KLRB1: variants seen among roughly 807,000 people sequenced by gnomAD.
The protein encoded by KLRB1 is killer cell lectin like receptor B1.
A neutral mutation model predicts 33.5 loss-of-function variants in KLRB1; 27 were observed. The observed-to-expected ratio is 0.81, with a 90% CI of 0.59 to 1.11. The LOEUF is 1.11. Among genes scored for constraint, KLRB1 ranks in the 50% most tolerant of loss-of-function variants. The pLI is 0.00. For synonymous variants in KLRB1, 64 were observed against 88.9 expected (o/e 0.72, Z 1.58); for missense variants, 241 against 254.1 (o/e 0.95, Z 0.35).
In KLRB1 at chr12:9,607,899, G is replaced by A. The variant is rs934283018; in HGVS notation, c.-60C>T. The A allele has an allele frequency of 4.2e-6, 5 of 1,182,684 alleles. No homozygotes were observed. The African/African-American group carries it at 6.0e-5, about 14-fold the overall frequency. The allele number at this position is 1,182,684 out of a possible 1,614,324, so 73.3% of individuals were successfully genotyped here. A position where few individuals can be genotyped will look rare whatever the true frequency, so the allele number is the denominator to read the frequency against. On this transcript the variant is annotated 5_prime_UTR_variant, in exon 1 of 6. Coordinates refer to ENST00000229402, the MANE Select transcript of KLRB1 (RefSeq NM_002258.3). ...TAAGAACAAACTCTCAATTCTGTGA[G>A]GCAAAATCAGCAAAAGGAAGCTTTC...
At chr12:9,607,092 G>T (rs1380182559) in intron 1 of KLRB1, among the ~76,000 whole-genome samples, 1 of 151,982 alleles carries the variant, frequency 6.6e-6, no homozygotes, top group African/African-American at 2.4e-5. Flanking sequence ...GGATGAAAAT[G>T]CACTGGGACT....
chr12:9,601,582 G>T lies in KLRB1; in HGVS notation c.103C>A (p.Pro35Thr). Residue 35 changes from proline to threonine, a missense_variant, in exon 2 of 6, where the codon CCT becomes ACT. By Grantham distance (38) the Pro-to-Thr change is conservative. Coordinates refer to ENST00000229402, the MANE Select transcript of KLRB1 (RefSeq NM_002258.3). ...SLPRDVCQGS[P>T]WHQFALKLSC... is the part of the protein sequence containing the mutation. ...AGTTTCAGGGCAAATTGATGCCAAG[G>T]TGAACCCTGACAGACATCTGAAAAG... 1.2e-6 allele frequency: 2 copies of T among 1,612,088 alleles called. No individual in the cohort carries two copies. The highest frequency in any genetic ancestry group is 1.7e-6 in the Non-Finnish European group (2 of 1,178,320).
At chr12:9,598,468 T>G in intron 4 of KLRB1, 31 bp downstream of exon 4, 1 of 1,580,384 alleles carries the variant, frequency 6.3e-7, no homozygotes, top group Non-Finnish European at 8.6e-7. Flanking sequence ...AAGTGTTAAG[T>G]TTTATTAAGG....
At chr12:9,601,250 A>T (rs1350244573) in intron 2 of KLRB1, among the ~76,000 whole-genome samples, 1 of 151,240 alleles carries the variant, frequency 6.6e-6, no homozygotes, top group Non-Finnish European at 1.5e-5. Context: ...AACACCCACA[A>T]ATGATCAATA....
At chr12:9,598,407 C>T in intron 4 of KLRB1, 92 bp downstream of exon 4, 2 of 1,116,022 alleles carry the variant, frequency 1.8e-6, no homozygotes, top group Non-Finnish European at 1.3e-6. Context: ...TCATCACTTC[C>T]ATTGCATAAA....
At chr12:9,595,750 T>C (rs1215602814) in intron 5 of KLRB1, among the ~76,000 whole-genome samples, 1 of 152,226 alleles carries the variant, frequency 6.6e-6, no homozygotes, top group Admixed American at 6.5e-5. Flanking sequence ...TTCCTAACTT[T>C]ACTGAGCCAC....
At chr12:9,600,834 A>G (rs1216191373) in intron 2 of KLRB1, among the ~76,000 whole-genome samples, 1 of 151,606 alleles carries the variant, frequency 6.6e-6, no homozygotes, top group East Asian at 1.9e-4. Flanking sequence ...AGTCTGAAAT[A>G]TGGCCTCGTG....
intron 3 of KLRB1, among the ~76,000 whole-genome samples, chr12:9,599,182 G>A (rs1043398454): frequency 2.6e-5 from 4 of 152,130 alleles, no homozygotes; most frequent in African/African-American, 9.7e-5. Flanking sequence ...ATTGCTAAAC[G>A]ATGTATTTAC....
chr12:9,601,235 C>G (rs35181877), intron 2 of KLRB1, among the ~76,000 whole-genome samples: 10,768 of 148,052 alleles, frequency 0.073, 485 homozygotes, highest in Non-Finnish European at 0.1. Context: ...ATCCCCCTCT[C>G]GAGAAACACC....
intron 1 of KLRB1, 135 bp downstream of exon 1, chr12:9,607,620 C>G: frequency 1.6e-6 from 1 of 606,684 alleles, no homozygotes; most frequent in South Asian, 2.1e-5. Context: ...TACAGGCAAG[C>G]CATGCAACAC....
In KLRB1 at chr12:9,607,788, G is replaced by T. The variant is rs756839953; in HGVS notation, c.52C>A (p.Pro18Thr). ...AGAGATGAAGGTGAAGAACTTTCTG[G>T]GCCTGAGTCTGTGGGTAAGTTTAAC... ...AELNLPTDSG[P>T]ESSSPSSLPR... The change falls in exon 1 of 6, where the codon CCA becomes ACA. Residue 18 changes from proline (P) to threonine (T), a missense_variant. Transcript: ENST00000229402. 1 of 1,613,652 alleles carries T rather than the reference G, an allele frequency of 6.2e-7. No homozygotes were observed. Among genetic ancestry groups the T allele is most frequent in the South Asian group, 1.1e-5 (1 of 91,064 alleles).
At chr12:9,601,642 G>T (rs199801482) in intron 1 of KLRB1, 43 bp from the exon 2 acceptor site, 1 of 551,874 alleles carries the variant, frequency 1.8e-6, no homozygotes, top group Non-Finnish European at 2.9e-6. Flanking sequence ...ACAAACAAAC[G>T]AAACAAAAAA....
intron 1 of KLRB1, among the ~76,000 whole-genome samples, chr12:9,606,761 T>TATATATATA (rs1491174451): frequency 1.7e-3 from 40 of 23,668 alleles, no homozygotes; most frequent in Non-Finnish European, 2.5e-3. Flanking sequence ...TATATATATA[T>TATATATATA]TTTTTTTTTT....
intron 5 of KLRB1, among the ~76,000 whole-genome samples, chr12:9,597,155 TCTC>T (rs1417571288): frequency 6.6e-6 from 1 of 152,168 alleles, no homozygotes; most frequent in Admixed American, 6.6e-5. Context: ...CTTAAAACAT[TCTC>T]CTATGTTTTA....
intron 2 of KLRB1, 131 bp from the exon 3 acceptor site, chr12:9,599,972 C>T (rs998723521): frequency 5.1e-5 from 21 of 413,760 alleles, no homozygotes; most frequent in South Asian, 2.3e-4. Flanking sequence ...AAAGTATTAG[C>T]GAAGTGGTAA....
intron 5 of KLRB1, among the ~76,000 whole-genome samples, chr12:9,596,676 C>G (rs1864494963): frequency 6.6e-6 from 1 of 152,198 alleles, no homozygotes; most frequent in Non-Finnish European, 1.5e-5. Context: ...TTTCCTCCAT[C>G]CACTTTACAC....
intron 1 of KLRB1, among the ~76,000 whole-genome samples, chr12:9,605,169 A>G (rs945277095): frequency 6.6e-6 from 1 of 152,308 alleles, no homozygotes; most frequent in East Asian, 1.9e-4. Flanking sequence ...ACATGAAATC[A>G]TCCTTTTTTA....
At chr12:9,602,757 A>G (rs1419764959) in intron 1 of KLRB1, among the ~76,000 whole-genome samples, 1 of 152,128 alleles carries the variant, frequency 6.6e-6, no homozygotes, top group Non-Finnish European at 1.5e-5. Context: ...TATTCCATGT[A>G]AGTGATTACT....
rs1164556932 is a variant in KLRB1, at chr12:9,606,661, TATAAA to T, written c.85+1089_85+1093del. ...TAAGCCTACACTTTATATATATATA[TATAAA>T]ATATATAAAATATATGTATAAAAAG... On this transcript the variant is annotated intron_variant, in intron 1 of 5. Transcript: ENST00000229402. 4.4e-4 allele frequency among the ~76,000 whole-genome samples: 42 copies of T among 95,474 alleles called. 2 individuals carry two copies. The highest frequency in any genetic ancestry group is 1.8e-3 in the African/African-American group (26 of 14,774). 62.6% of individuals were successfully genotyped at this position (95,474 alleles called of 152,430 possible). A position where few individuals can be genotyped will look rare whatever the true frequency, so the allele number is the denominator to read the frequency against.
Sources: allele counts gnomAD v4.1 joint callset (sites outside exome capture counted in the v4.1 genomes callset), GRCh38; gene constraint gnomAD v4.1.1; transcripts MANE v1.5; gene names NCBI Gene and HGNC (gene_info 2026-07-23, HGNC 2026-07-21).